The following GSK3B variants were observed in gnomAD, a reference collection of about 807,000 sequenced individuals.
GSK3B encodes the protein glycogen synthase kinase 3 beta.
GSK3B carries 15 observed loss-of-function variants against 56.4 expected under a neutral mutation model. The ratio of observed to expected loss-of-function variants is 0.27; its 90% CI spans 0.18 to 0.41. The LOEUF is 0.41. Among genes scored for constraint, GSK3B ranks in the 10% least tolerant of loss-of-function variants. GSK3B has a pLI of 1.00. For synonymous variants in GSK3B, 181 were observed against 188.9 expected (o/e 0.96, Z 0.34); for missense variants, 300 against 513.4 (o/e 0.58, Z 4.02).
chr3:120,034,755 A>G (rs2058007880), intron 1 of GSK3B, among the ~76,000 whole-genome samples: 1 of 152,196 alleles, frequency 6.6e-6, no homozygotes, highest in African/African-American at 2.4e-5. Flanking sequence ...AGTAACTCAG[A>G]ATGTGACCTT....
At chr3:119,913,842 C>T (rs2056757495) in intron 5 of GSK3B, among the ~76,000 whole-genome samples, 1 of 152,030 alleles carries the variant, frequency 6.6e-6, no homozygotes, top group Non-Finnish European at 1.5e-5. Context: ...TCCCCAAGTA[C>T]TGACATACAA....
intron 2 of GSK3B, among the ~76,000 whole-genome samples, chr3:119,953,548 C>T (rs1435288343): frequency 6.6e-6 from 1 of 152,246 alleles, no homozygotes; most frequent in Admixed American, 6.5e-5. Context: ...CAGAGACAGA[C>T]AGAGAGAGAG....
At chr3:119,992,983 C>T (rs1007741813) in intron 2 of GSK3B, among the ~76,000 whole-genome samples, 2 of 148,554 alleles carry the variant, frequency 1.3e-5, no homozygotes, top group African/African-American at 2.5e-5. Flanking sequence ...AGAGAGAATG[C>T]AAATTGGTAT....
At position 119,868,604 on chromosome 3, in the gene GSK3B, A is replaced by G. The variant is rs1409274686; in HGVS notation, c.910-4999T>C. Among the ~76,000 whole-genome samples the G allele has an allele frequency of 4.6e-5, 7 of 152,224 alleles. No individual in the cohort carries two copies. The East Asian group carries it at 1.3e-3, about 29-fold the overall frequency. ...CATCAGCTCTTAGCAACTCTATTGT[A>G]TTATGTAGCCAATCAGAGCAATGTA... On this transcript the variant is annotated intron_variant, in intron 8 of 10. Coordinates refer to ENST00000264235, the MANE Select transcript of GSK3B (RefSeq NM_001146156.2).
intron 1 of GSK3B, among the ~76,000 whole-genome samples, chr3:120,084,238 AAT>A (rs1326434587): frequency 6.6e-6 from 1 of 152,156 alleles, no homozygotes; most frequent in African/African-American, 2.4e-5. Context: ...TTAAATAAAT[AAT>A]AGTTTTTAAA....
intron 9 of GSK3B, among the ~76,000 whole-genome samples, chr3:119,845,026 T>C (rs1219375627): frequency 6.6e-6 from 1 of 152,180 alleles, no homozygotes; most frequent in African/African-American, 2.4e-5. Context: ...TCAATAAACG[T>C]AATTCATCAC....
At chr3:119,964,781 A>C (rs531702366) in intron 2 of GSK3B, among the ~76,000 whole-genome samples, 5 of 152,320 alleles carry the variant, frequency 3.3e-5, no homozygotes, top group Non-Finnish European at 7.3e-5. Context: ...AAAATGAAAA[A>C]CAGTAAGAAA....
intron 2 of GSK3B, among the ~76,000 whole-genome samples, chr3:119,964,455 CTTG>C (rs1341595375): frequency 6.6e-6 from 1 of 152,112 alleles, no homozygotes; most frequent in Non-Finnish European, 1.5e-5. Flanking sequence ...AATCTTACCA[CTTG>C]TGACAACACA....
At chr3:119,961,465 T>C (rs1456138423) in intron 2 of GSK3B, among the ~76,000 whole-genome samples, 2 of 151,784 alleles carry the variant, frequency 1.3e-5, no homozygotes, top group African/African-American at 4.8e-5. Flanking sequence ...CCGTCTCTAC[T>C]AAAAATACAA....
At chr3:119,864,561 G>A (rs982444184) in intron 8 of GSK3B, among the ~76,000 whole-genome samples, 7 of 152,224 alleles carry the variant, frequency 4.6e-5, no homozygotes, top group Non-Finnish European at 8.8e-5. Context: ...TAAAAGGTGT[G>A]ACGATGGAGG....
intron 3 of GSK3B, among the ~76,000 whole-genome samples, chr3:119,939,485 G>A (rs1286933820): frequency 1.3e-5 from 2 of 152,122 alleles, no homozygotes; most frequent in Admixed American, 6.6e-5. Flanking sequence ...ATCATATAAA[G>A]CTTTTGGTAA....
chr3:120,019,779 G>A (rs2057857263), intron 1 of GSK3B, among the ~76,000 whole-genome samples: 2 of 152,226 alleles, frequency 1.3e-5, no homozygotes, highest in East Asian at 1.9e-4. Flanking sequence ...TTAAATCCCT[G>A]TATCAATCAC....
chr3:119,855,600 C>G (rs564611170), intron 9 of GSK3B, among the ~76,000 whole-genome samples: 1 of 152,270 alleles, frequency 6.6e-6, no homozygotes, highest in Admixed American at 6.5e-5. Context: ...CAATGATAGA[C>G]TGGATTAAGA....
chr3:119,975,819 G>A (rs2057404178), intron 2 of GSK3B, among the ~76,000 whole-genome samples: 1 of 152,104 alleles, frequency 6.6e-6, no homozygotes, highest in Non-Finnish European at 1.5e-5. Flanking sequence ...CTACACCAAG[G>A]CACCAGTAAT....
chr3:119,954,894 T>C (rs1484604380), intron 2 of GSK3B, among the ~76,000 whole-genome samples: 1 of 152,150 alleles, frequency 6.6e-6, no homozygotes, highest in Non-Finnish European at 1.5e-5. Context: ...AAAGGAAAAG[T>C]AAACTTTTAG....
chr3:120,087,995 C>T (rs531619560), intron 1 of GSK3B, among the ~76,000 whole-genome samples: 58 of 152,132 alleles, frequency 3.8e-4, no homozygotes, highest in African/African-American at 1.3e-3. Context: ...TGGGTTCAAA[C>T]GATTCTCCTG....
intron 6 of GSK3B, among the ~76,000 whole-genome samples, chr3:119,910,511 G>T (rs1036493214): frequency 3.3e-5 from 5 of 152,204 alleles, no homozygotes; most frequent in African/African-American, 1.2e-4. Context: ...TAAGCCTTCA[G>T]TGAGTTGTAA....
intron 3 of GSK3B, among the ~76,000 whole-genome samples, chr3:119,925,470 T>C (rs1456273337): frequency 6.6e-6 from 1 of 152,200 alleles, no homozygotes; most frequent in Non-Finnish European, 1.5e-5. Flanking sequence ...CTTGCATCAC[T>C]ACAAGCACTA....
chr3:119,956,051 A>T (rs773638268), intron 2 of GSK3B, among the ~76,000 whole-genome samples: 147 of 152,218 alleles, frequency 9.7e-4, no homozygotes, highest in Non-Finnish European at 1.8e-3. Flanking sequence ...CTACACTAGT[A>T]AAAACAGAGA....
Sources: gnomAD v4.1 joint callset for allele counts (sites outside exome capture counted in the v4.1 genomes callset) on GRCh38, gnomAD v4.1.1 for gene constraint, MANE v1.5 for transcripts, NCBI Gene and HGNC (gene_info 2026-07-23, HGNC 2026-07-21) for gene names.